The following ARL6 variants were observed in gnomAD, a reference collection of about 807,000 sequenced individuals.
ARL6 encodes the protein ADP-ribosylation factor-like protein 6.
Under a neutral mutation model 27.1 loss-of-function variants are expected in ARL6, and 18 were observed. The ratio of observed to expected loss-of-function variants is 0.66; its 90% CI spans 0.46 to 0.98. The LOEUF (loss-of-function observed/expected upper bound fraction) is 0.98, where lower values mean the gene tolerates loss of function less well. ARL6 is among the 50% of genes least tolerant of loss of function. The pLI, the probability that ARL6 is intolerant of heterozygous loss-of-function variation, is 0.00. For missense variants in ARL6, 187 were observed against 214.9 expected (o/e 0.87, Z 0.81); for synonymous variants, 65 against 72.3 (o/e 0.90, Z 0.51).
chr3:97,780,424 G>GT (rs1227008227), intron 3 of ARL6, among the ~76,000 whole-genome samples, 191 bp from the exon 4 acceptor site: 1 of 151,952 alleles, frequency 6.6e-6, no homozygotes, highest in Non-Finnish European at 1.5e-5. Context: ...TAGCAAAGAA[G>GT]TTTTTTATGT....
At chr3:97,779,970 A>C (rs1036564577) in intron 2 of ARL6, among the ~76,000 whole-genome samples, 189 bp from the exon 3 acceptor site, 5 of 152,218 alleles carry the variant, frequency 3.3e-5, no homozygotes, top group African/African-American at 9.6e-5. Context: ...CAGATTCATA[A>C]TTAGTAAACC....
intron 6 of ARL6, among the ~76,000 whole-genome samples, chr3:97,789,625 T>G (rs2037628306): frequency 6.6e-6 from 1 of 152,186 alleles, no homozygotes; most frequent in African/African-American, 2.4e-5. Flanking sequence ...ATAACTTATA[T>G]AAGAAAGCAA....
intron 6 of ARL6, among the ~76,000 whole-genome samples, chr3:97,789,768 T>C (rs1339337016): frequency 6.6e-6 from 1 of 152,166 alleles, no homozygotes; most frequent in Non-Finnish European, 1.5e-5. Context: ...TAAAAGCATG[T>C]ATAAAATTGA....
intron 7 of ARL6, among the ~76,000 whole-genome samples, chr3:97,794,664 GT>G (rs2037915612): frequency 6.6e-6 from 1 of 152,178 alleles, no homozygotes; most frequent in Admixed American, 6.5e-5. Context: ...AGTTCTTTAT[GT>G]GAATGTAGCT....
chr3:97,788,069 G>A lies in ARL6; in HGVS notation c.429G>A (p.Val143=). The change falls in exon 6 of 8, where the codon GTG becomes GTA. Residue 143 remains valine, a synonymous_variant. Coordinates refer to ENST00000463745, the MANE Select transcript of ARL6 (RefSeq NM_001278293.3). ...GAGATGCAGTGACATCTGTAAAAGT[G>A]TCTCAGTTGCTGTGTTTAGAGAACA... ...DLRDAVTSVK[V]SQLLCLENIK... is the part of the protein sequence containing the mutation. The A allele has an allele frequency of 6.2e-7, 1 of 1,613,292 alleles. No individual in the cohort carries two copies. The highest frequency in any genetic ancestry group is 8.5e-7 in the Non-Finnish European group (1 of 1,179,510).
chr3:97,788,890 T>A (rs1162620783), intron 6 of ARL6, among the ~76,000 whole-genome samples: 1 of 152,134 alleles, frequency 6.6e-6, no homozygotes, highest in Non-Finnish European at 1.5e-5. Flanking sequence ...TTAAACTCCC[T>A]TCTACCCACC....
rs1231093953 is a variant in ARL6, at chr3:97,768,113, A to T, written c.6A>T (p.Gly2=). The change falls in exon 2 of 8, where the codon GGA becomes GGT. Residue 2 remains glycine, a synonymous_variant. Transcript: ENST00000463745. ...GTAAATATTTGAATCACATTATGGGATTGCTAGACAGACTTTCAGTCTTGC... is the reference window on the plus strand; with the variant it reads ...GTAAATATTTGAATCACATTATGGGTTTGCTAGACAGACTTTCAGTCTTGC... M[G]LLDRLSVLLG... The T allele has an allele frequency of 2.5e-6, 4 of 1,612,844 alleles. No individual in the cohort carries two copies. The South Asian group carries it at 4.4e-5, about 18-fold the overall frequency.
intron 5 of ARL6, among the ~76,000 whole-genome samples, chr3:97,787,051 C>T (rs544093142): frequency 6.6e-6 from 1 of 152,138 alleles, no homozygotes; most frequent in Non-Finnish European, 1.5e-5. Flanking sequence ...AATTCCACAT[C>T]TTAAATTTAT....
chr3:97,789,981 C>T (rs1411460907), intron 6 of ARL6, among the ~76,000 whole-genome samples: 2 of 151,312 alleles, frequency 1.3e-5, no homozygotes, highest in African/African-American at 4.9e-5. Context: ...ATAGTCAGCT[C>T]TGATTTTCAG....
At chr3:97,789,168 C>A (rs1156983738) in intron 6 of ARL6, among the ~76,000 whole-genome samples, 2 of 152,140 alleles carry the variant, frequency 1.3e-5, no homozygotes, top group Non-Finnish European at 2.9e-5. Context: ...TTCCCAGGAG[C>A]TAAACCCTGC....
At chr3:97,792,847 T>C (rs1252672070) in intron 7 of ARL6, among the ~76,000 whole-genome samples, 1 of 152,088 alleles carries the variant, frequency 6.6e-6, no homozygotes, top group African/African-American at 2.4e-5. Flanking sequence ...AGAGATCATT[T>C]CTACGGGGAA....
At chr3:97,786,648 G>A (rs1223400087) in intron 5 of ARL6, among the ~76,000 whole-genome samples, 1 of 152,028 alleles carries the variant, frequency 6.6e-6, no homozygotes, top group Non-Finnish European at 1.5e-5. Context: ...TCTTTGAATA[G>A]CAAAATGTAC....
In ARL6 at chr3:97,788,057, A is replaced by G. The variant is rs1418809158; in HGVS notation, c.417A>G (p.Thr139=). ...AAATGGATCTTAGAGATGCAGTGAC[A>G]TCTGTAAAAGTGTCTCAGTTGCTGT... ...ANKMDLRDAV[T]SVKVSQLLCL... The change falls in exon 6 of 8, where the codon ACA becomes ACG. Residue 139 remains threonine, a synonymous_variant. Transcript: ENST00000463745. 1 of 1,613,350 alleles carries G rather than the reference A, an allele frequency of 6.2e-7. No homozygotes were observed. Among genetic ancestry groups the G allele is most frequent in the Non-Finnish European group, 8.5e-7 (1 of 1,179,480 alleles).
chr3:97,794,814 AG>A (rs1446611772), intron 7 of ARL6, among the ~76,000 whole-genome samples: 2 of 152,230 alleles, frequency 1.3e-5, no homozygotes, highest in East Asian at 3.9e-4. Flanking sequence ...GGCCGGGAGC[AG>A]TGGCTCATGC....
chr3:97,776,716 G>GCACAATCTT (rs2036922681), intron 2 of ARL6, among the ~76,000 whole-genome samples: 2 of 151,990 alleles, frequency 1.3e-5, no homozygotes, highest in Non-Finnish European at 2.9e-5. Flanking sequence ...GAGTGCAGTG[G>GCACAATCTT]CACAATCTTG....
intron 4 of ARL6, among the ~76,000 whole-genome samples, chr3:97,784,367 T>G (rs2037343623): frequency 6.6e-6 from 1 of 151,848 alleles, no homozygotes; most frequent in Non-Finnish European, 1.5e-5. Flanking sequence ...AGACTTTCAC[T>G]TAAAATACAT....
Position 97,798,577 on chromosome 3 carries a change from T to C in ARL6, c.*528T>C, listed in dbSNP as rs1490729840. On this transcript the variant is annotated 3_prime_UTR_variant, in exon 8 of 8. Transcript: ENST00000463745. Reference sequence around the variant, plus strand: ...TTATGCTGAAAAGAATAATGCTCTGTTAGTATGGTATTTCGTGTCATACTG... The same window carrying C: ...TTATGCTGAAAAGAATAATGCTCTGCTAGTATGGTATTTCGTGTCATACTG... The C allele has an allele frequency of 1.3e-5, 2 of 153,046 alleles. No individual in the cohort carries two copies. The highest frequency in any genetic ancestry group is 2.9e-5 in the Non-Finnish European group (2 of 68,732). 9.5% of individuals were successfully genotyped at this position (153,046 alleles called of 1,614,324 possible).
At chr3:97,771,891 C>T (rs537430395) in intron 2 of ARL6, among the ~76,000 whole-genome samples, 7 of 152,216 alleles carry the variant, frequency 4.6e-5, no homozygotes, top group Admixed American at 3.9e-4. Flanking sequence ...TCCTACTGAT[C>T]ATGGTGAATG....
chr3:97,785,209 C>T (rs2037393110), intron 5 of ARL6, among the ~76,000 whole-genome samples, 160 bp downstream of exon 5: 1 of 151,498 alleles, frequency 6.6e-6, no homozygotes, highest in South Asian at 2.1e-4. Context: ...ATGTACATCA[C>T]CATATTTTGT....
Sources: allele counts gnomAD v4.1 joint callset (sites outside exome capture counted in the v4.1 genomes callset), GRCh38; gene constraint gnomAD v4.1.1; transcripts MANE v1.5; gene names NCBI Gene and HGNC (gene_info 2026-07-23, HGNC 2026-07-21).